Variants in LAMA2 observed in about 807,000 individuals in gnomAD.
The protein encoded by LAMA2 is laminin subunit alpha 2, also known as laminin subunit alpha-2.
A neutral mutation model predicts 364.8 loss-of-function variants in LAMA2; 269 were observed. The ratio of observed to expected loss-of-function variants is 0.74; its 90% CI spans 0.67 to 0.82. The LOEUF (loss-of-function observed/expected upper bound fraction) is 0.82, where lower values mean the gene tolerates loss of function less well. LAMA2 is among the 40% of genes least tolerant of loss of function. The pLI is 0.00. For missense variants in LAMA2, 3,807 were observed against 3,873.2 expected (o/e 0.98, Z 0.45); for synonymous variants, 1,379 against 1,370.6 (o/e 1.01, Z -0.14).
intron 41 of LAMA2, among the ~76,000 whole-genome samples, chr6:129,436,277 T>C (rs2114756878): frequency 6.6e-6 from 1 of 152,256 alleles, no homozygotes; most frequent in East Asian, 1.9e-4. Context: ...GGCATGTTCT[T>C]CTCTACCCAG....
At chr6:129,312,820 T>C (rs749910998) in intron 22 of LAMA2, 41 bp from the exon 23 acceptor site, 115 of 1,345,430 alleles carry the variant, frequency 8.5e-5, no homozygotes, top group Non-Finnish European at 1.2e-4. Flanking sequence ...ATATTTCCCA[T>C]AAAGTTGTGT....
At chr6:128,972,507 T>G (rs1245357424) in intron 1 of LAMA2, among the ~76,000 whole-genome samples, 2 of 152,210 alleles carry the variant, frequency 1.3e-5, no homozygotes, top group African/African-American at 4.8e-5. Context: ...CAACAAATGA[T>G]AGACATTACT....
At chr6:129,037,795 G>A (rs1442309610) in intron 1 of LAMA2, among the ~76,000 whole-genome samples, 18 of 150,920 alleles carry the variant, frequency 1.2e-4, no homozygotes, top group Admixed American at 6.6e-4. Flanking sequence ...TCAGCCTCCC[G>A]AGTAGCTGCA....
intron 28 of LAMA2, among the ~76,000 whole-genome samples, chr6:129,326,168 A>G (rs1336598942): frequency 6.6e-6 from 1 of 152,178 alleles, no homozygotes; most frequent in Non-Finnish European, 1.5e-5. Flanking sequence ...AAATGCACAC[A>G]TACACAACAG....
intron 12 of LAMA2, among the ~76,000 whole-genome samples, chr6:129,205,733 A>T (rs973217768): frequency 6.6e-6 from 1 of 151,982 alleles, no homozygotes; most frequent in Non-Finnish European, 1.5e-5. Context: ...TAAATAAATT[A>T]AACTTAGGAG....
chr6:128,968,545 G>A (rs1302638428), intron 1 of LAMA2, among the ~76,000 whole-genome samples: 1 of 152,176 alleles, frequency 6.6e-6, no homozygotes, highest in Non-Finnish European at 1.5e-5. Flanking sequence ...AATTGAAGGG[G>A]TAGTCAAGAA....
chr6:129,195,697 A>G (rs1781795743), intron 12 of LAMA2, among the ~76,000 whole-genome samples: 1 of 152,124 alleles, frequency 6.6e-6, no homozygotes, highest in Non-Finnish European at 1.5e-5. Context: ...GGTGCATTTC[A>G]TTTTCAAAAT....
At chr6:128,995,367 G>T (rs1226567125) in intron 1 of LAMA2, among the ~76,000 whole-genome samples, 1 of 152,172 alleles carries the variant, frequency 6.6e-6, no homozygotes, top group Non-Finnish European at 1.5e-5. Context: ...TGTAACCCAG[G>T]CTGGAGTGCA....
At chr6:129,067,138 G>T (rs1789414419) in intron 3 of LAMA2, among the ~76,000 whole-genome samples, 1 of 152,140 alleles carries the variant, frequency 6.6e-6, no homozygotes, top group Non-Finnish European at 1.5e-5. Context: ...TCAAATCACT[G>T]AATTTATTTT....
chr6:129,180,510 A>T (rs1468622548), intron 10 of LAMA2, among the ~76,000 whole-genome samples: 1 of 152,044 alleles, frequency 6.6e-6, no homozygotes, highest in Admixed American at 6.6e-5. Flanking sequence ...GTGTGAAGAC[A>T]TTTTTAAAAA....
At chr6:128,990,716 T>TTA (rs1783556738) in intron 1 of LAMA2, among the ~76,000 whole-genome samples, 2 of 152,180 alleles carry the variant, frequency 1.3e-5, no homozygotes, top group Non-Finnish European at 2.9e-5. Context: ...GGGAGTTTAT[T>TTA]GTTTATTAAA....
intron 63 of LAMA2, among the ~76,000 whole-genome samples, chr6:129,513,886 A>G (rs1423830850): frequency 2.0e-5 from 3 of 152,252 alleles, no homozygotes; most frequent in African/African-American, 7.2e-5. Flanking sequence ...AATGAAATCC[A>G]TGAAGGAAAA....
chr6:129,418,484 A>T (rs1199865779), intron 40 of LAMA2, among the ~76,000 whole-genome samples: 2 of 152,120 alleles, frequency 1.3e-5, no homozygotes, highest in African/African-American at 4.8e-5. Flanking sequence ...ACCCTAAGAG[A>T]TACGGAAGTT....
chr6:129,208,890 C>T (rs1782901147), intron 12 of LAMA2, among the ~76,000 whole-genome samples: 1 of 152,166 alleles, frequency 6.6e-6, no homozygotes, highest in Non-Finnish European at 1.5e-5. Context: ...TACAAAGTAA[C>T]TGACTGTCAG....
intron 1 of LAMA2, among the ~76,000 whole-genome samples, chr6:128,886,164 T>C (rs1182889305): frequency 1.3e-5 from 2 of 152,170 alleles, no homozygotes; most frequent in Non-Finnish European, 1.5e-5. Context: ...TTATCAGAAC[T>C]GCATGTGGTC....
chr6:129,276,565 A>C (rs1246876095), intron 17 of LAMA2, among the ~76,000 whole-genome samples: 6 of 152,116 alleles, frequency 3.9e-5, no homozygotes. Context: ...CCCACAGAAG[A>C]AGTTTCCCTA....
At chr6:129,259,184 C>A (rs1786935224) in intron 14 of LAMA2, among the ~76,000 whole-genome samples, 1 of 152,076 alleles carries the variant, frequency 6.6e-6, no homozygotes, top group African/African-American at 2.4e-5. Flanking sequence ...TTTTAGAAAT[C>A]TATTGCTGAA....
At chr6:128,883,464 C>T (rs1356922975) in intron 1 of LAMA2, 107 bp downstream of exon 1, 3 of 1,526,080 alleles carry the variant, frequency 2.0e-6, no homozygotes, top group Non-Finnish European at 2.6e-6. Flanking sequence ...TCTTGCTTCG[C>T]CTTCAGAGAG....
At chr6:129,371,191 G>A (rs1184001142) in intron 34 of LAMA2, among the ~76,000 whole-genome samples, 12 of 151,842 alleles carry the variant, frequency 7.9e-5, no homozygotes, top group African/African-American at 2.7e-4. Flanking sequence ...CCTAAGTTAC[G>A]TGTTGGCAGA....
Sources: allele counts gnomAD v4.1 joint callset (sites outside exome capture counted in the v4.1 genomes callset), GRCh38; gene constraint gnomAD v4.1.1; transcripts MANE v1.5; gene names NCBI Gene and HGNC (gene_info 2026-07-23, HGNC 2026-07-21).